CTBP2: variants seen among roughly 807,000 people sequenced by gnomAD.
The protein encoded by CTBP2 is C-terminal binding protein 2.
Under a neutral mutation model 80.3 loss-of-function variants are expected in CTBP2, and 30 were observed. The ratio of observed to expected loss-of-function variants is 0.37; its 90% confidence interval spans 0.28 to 0.51. CTBP2 has a LOEUF of 0.51. Ranked by LOEUF, CTBP2 falls within the 20% of genes least tolerant of loss-of-function variation. The pLI, the probability that CTBP2 is intolerant of heterozygous loss-of-function variation, is 0.93. For missense variants in CTBP2, 1,212 were observed against 1,375.3 expected (o/e 0.88, Z 1.88); for synonymous variants, 594 against 587.4 (o/e 1.01, Z -0.16).
chr10:125,012,063 G>C (rs1053463153), intron 1 of CTBP2, among the ~76,000 whole-genome samples: 1 of 152,238 alleles, frequency 6.6e-6, no homozygotes, highest in Non-Finnish European at 1.5e-5. Context: ...GGGCCTGAAA[G>C]ATCCGTGAAG....
At chr10:125,154,291 C>G (rs978027933) in intron 1 of CTBP2, among the ~76,000 whole-genome samples, 11 of 152,150 alleles carry the variant, frequency 7.2e-5, no homozygotes, top group African/African-American at 2.2e-4. Flanking sequence ...TCTGGACTCA[C>G]AGAAGGCAAC....
intron 2 of CTBP2, among the ~76,000 whole-genome samples, chr10:125,091,565 G>C (rs1216749910): frequency 6.6e-6 from 1 of 152,176 alleles, no homozygotes; most frequent in Non-Finnish European, 1.5e-5. Context: ...ATGAGCCCGG[G>C]AGTTTGAGAC....
intron 1 of CTBP2, among the ~76,000 whole-genome samples, chr10:125,152,343 C>T (rs1373088740): frequency 1.3e-5 from 2 of 152,176 alleles, no homozygotes; most frequent in Admixed American, 1.3e-4. Flanking sequence ...AGGTAGAGCG[C>T]GGCCAGGTGT....
intron 1 of CTBP2, among the ~76,000 whole-genome samples, chr10:125,123,675 G>A (rs12356434): frequency 0.27 from 41,253 of 152,068 alleles, 6,549 homozygotes; most frequent in Non-Finnish European, 0.36. Flanking sequence ...TGTGTCCTCC[G>A]GCTCCCCAGG....
At chr10:125,116,604 A>T (rs964225195) in intron 1 of CTBP2, among the ~76,000 whole-genome samples, 8 of 152,182 alleles carry the variant, frequency 5.3e-5, no homozygotes, top group Non-Finnish European at 1.2e-4. Context: ...GACACAGCTC[A>T]GATACCCCAG....
intron 1 of CTBP2, among the ~76,000 whole-genome samples, chr10:125,142,904 C>T (rs528304720): frequency 6.6e-5 from 10 of 152,238 alleles, no homozygotes; most frequent in South Asian, 4.1e-4. Flanking sequence ...CGTTACCTCC[C>T]GTGGTTTAGT....
intron 2 of CTBP2, among the ~76,000 whole-genome samples, chr10:125,058,068 G>A (rs1470568239): frequency 6.6e-6 from 1 of 152,022 alleles, no homozygotes; most frequent in Non-Finnish European, 1.5e-5. Flanking sequence ...GAGGCCTCTC[G>A]GAGTTAGTAT....
chr10:125,074,442 C>T (rs1845980482), intron 2 of CTBP2, among the ~76,000 whole-genome samples: 2 of 152,184 alleles, frequency 1.3e-5, no homozygotes, highest in South Asian at 4.1e-4. Flanking sequence ...GCAACCTCTG[C>T]CTCGCGGGTT....
intron 2 of CTBP2, among the ~76,000 whole-genome samples, chr10:125,051,829 G>A (rs1397705065): frequency 6.6e-6 from 1 of 152,054 alleles, no homozygotes; most frequent in Non-Finnish European, 1.5e-5. Flanking sequence ...AATTAAACAG[G>A]TCATTAGAGT....
In CTBP2 at chr10:125,053,696, G is replaced by A. The variant is rs145923453; in HGVS notation, c.-101-14541C>T. On this transcript the variant is annotated intron_variant, in intron 2 of 10. Transcript: ENST00000337195. ...ATGCCGGGGTGAACATCTCAGACAC[G>A]CTCCTGAAGATGGGAGGGGAGATCT... Among the ~76,000 whole-genome samples, 942 of 152,326 alleles carry A rather than the reference G, an allele frequency of 6.2e-3. 7 individuals carry two copies. The highest frequency in any genetic ancestry group is 0.024 in the Middle Eastern group (7 of 294).
chr10:124,988,850 ATT>A lies in CTBP2; in HGVS notation c.*666_*667del, dbSNP rs1952201108. On this transcript the variant is annotated 3_prime_UTR_variant, in exon 9 of 9. Transcript: ENST00000309035. ...AGAGGATCTGAAACTGAGAAAATAT[ATT>A]TGAGTACAAACAGCTTGTGAAACTT... 6.6e-6 allele frequency: 1 copy of A among 151,796 alleles called. No individual in the cohort carries two copies. Among genetic ancestry groups the A allele is most frequent in the Non-Finnish European group, 1.5e-5 (1 of 67,956 alleles). The allele number at this position is 151,796 out of a possible 1,614,324, so 9.4% of individuals were successfully genotyped here.
chr10:125,117,557 G>A (rs1445542245), intron 1 of CTBP2, among the ~76,000 whole-genome samples: 5 of 152,242 alleles, frequency 3.3e-5, no homozygotes, highest in Non-Finnish European at 7.3e-5. Flanking sequence ...GCATGAAGCA[G>A]TGTGGAGTCC....
chr10:125,045,354 A>G (rs1960961970), intron 2 of CTBP2, among the ~76,000 whole-genome samples: 1 of 152,190 alleles, frequency 6.6e-6, no homozygotes, highest in Admixed American at 6.5e-5. Flanking sequence ...CCAAAAGTGA[A>G]TATTGCTTCC....
chr10:125,022,925 G>A (rs1957192257), intron 1 of CTBP2, among the ~76,000 whole-genome samples: 1 of 152,242 alleles, frequency 6.6e-6, no homozygotes, highest in African/African-American at 2.4e-5. Flanking sequence ...TGGGCCGATG[G>A]CGGCGACCCT....
chr10:125,033,579 G>A (rs1020702765), intron 3 of CTBP2, among the ~76,000 whole-genome samples: 3 of 152,292 alleles, frequency 2.0e-5, no homozygotes, highest in Non-Finnish European at 2.9e-5. Context: ...TGTGTGAAGC[G>A]CGCAGAAGGT....
Position 125,026,646 on chromosome 10 carries a change from A to G in CTBP2, c.1114T>C (p.Phe372Leu). Reference sequence around the variant, plus strand: ...TGGAGCAGTTCGCTTCGGTGGCTGAAGCTGCTGGACCGCGCCCGGGGCAGC... The same window carrying G: ...TGGAGCAGTTCGCTTCGGTGGCTGAGGCTGCTGGACCGCGCCCGGGGCAGC... The change falls in exon 1 of 9, where the codon TTC (phenylalanine) becomes CTC (leucine). Residue 372 changes from phenylalanine (F) to leucine (L), a missense_variant. By Grantham distance (22) the Phe-to-Leu change is conservative. Around this residue, in one of 3 missense-constraint regions of CTBP2, gnomAD observed 848 missense variants for 782.3 expected, o/e 1.08. Coordinates refer to ENST00000309035, the MANE Select transcript of CTBP2 (RefSeq NM_022802.3). The G allele has an allele frequency of 1.3e-6, 2 of 1,587,544 alleles. No homozygotes were observed. The highest frequency in any genetic ancestry group is 1.7e-6 in the Non-Finnish European group (2 of 1,167,560).
chr10:125,004,911 G>A (rs750689), intron 1 of CTBP2, among the ~76,000 whole-genome samples: 17,115 of 152,200 alleles, frequency 0.11, 1,179 homozygotes, highest in East Asian at 0.26. Flanking sequence ...GTGTGGCCTC[G>A]CCTTCCATCC....
intron 3 of CTBP2, among the ~76,000 whole-genome samples, chr10:125,001,702 C>G (rs1954530789): frequency 6.6e-6 from 1 of 152,194 alleles, no homozygotes; most frequent in African/African-American, 2.4e-5. Context: ...CCCACTGCGT[C>G]CTGACCCCTG....
At chr10:125,052,383 C>G (rs543863309) in intron 2 of CTBP2, among the ~76,000 whole-genome samples, 1 of 152,204 alleles carries the variant, frequency 6.6e-6, no homozygotes, top group African/African-American at 2.4e-5. Context: ...CCCCACAACA[C>G]GCAGGGAGCA....
Sources: gnomAD v4.1 joint callset for allele counts (sites outside exome capture counted in the v4.1 genomes callset) on GRCh38, gnomAD v4.1.1 for gene constraint, gnomAD v4.1.1 regional missense constraint, MANE v1.5 for transcripts, NCBI Gene and HGNC (gene_info 2026-07-23, HGNC 2026-07-21) for gene names.